The following TTC3 variants were observed in gnomAD, a reference collection of about 807,000 sequenced individuals.
TTC3 encodes tetratricopeptide repeat domain 3, also known as E3 ubiquitin-protein ligase TTC3.
In TTC3, 180 loss-of-function variants were observed where a neutral mutation model predicts 249.6. That is an observed-to-expected ratio of 0.72 (90% CI 0.64 to 0.82). The LOEUF (loss-of-function observed/expected upper bound fraction) is 0.82, where lower values mean the gene tolerates loss of function less well. Ranked by LOEUF, TTC3 falls within the 40% of genes least tolerant of loss-of-function variation. TTC3 has a pLI of 0.00. For synonymous variants in TTC3, 717 were observed against 805.0 expected (o/e 0.89, Z 1.85); for missense variants, 2,061 against 2,398.4 (o/e 0.86, Z 2.94).
chr21:37,135,688 A>G (rs2077870217), intron 18 of TTC3, among the ~76,000 whole-genome samples, 174 bp downstream of exon 18: 2 of 152,208 alleles, frequency 1.3e-5, no homozygotes, highest in South Asian at 2.1e-4. Flanking sequence ...CTTCATGAGT[A>G]TGTTCAGTAT....
chr21:37,153,005 G>T, exon 27 of TTC3: 1 of 1,613,944 alleles, frequency 6.2e-7, no homozygotes, highest in Non-Finnish European at 8.5e-7. Context: ...ATTCTACAGT[G>T]TATAAAGCAG....
At chr21:37,188,312 T>C in intron 38 of TTC3, 183 bp from the exon 39 acceptor site, 1 of 522,116 alleles carries the variant, frequency 1.9e-6, no homozygotes, top group South Asian at 2.3e-5. Context: ...TGTCATTTTG[T>C]TCTGTTTTCA....
intron 26 of TTC3, 45 bp from the exon 27 acceptor site, chr21:37,152,906 G>T: frequency 7.0e-7 from 1 of 1,424,662 alleles, no homozygotes; most frequent in South Asian, 1.6e-5. Flanking sequence ...ATGTAATTGT[G>T]AATTAGTCCT....
rs1211531298 is a variant in TTC3, at chr21:37,195,787, T to G, written c.5330T>G (p.Phe1777Cys). Residue 1777 changes from phenylalanine to cysteine, a missense_variant, in exon 42 of 46, where the codon TTC becomes TGC. By Grantham distance (205) the Phe-to-Cys change is radical. Coordinates refer to ENST00000355666, the Ensembl canonical transcript of TTC3. ...GCACTTCACAGGGATCCTAGTGTGT[T>G]CTCTGCTGGTGATTCCCCAGGGGAG... 3 of 1,614,052 alleles carry G rather than the reference T, an allele frequency of 1.9e-6. No homozygotes were observed. The highest frequency in any genetic ancestry group is 2.7e-5 in the African/African-American group (2 of 74,928).
chr21:37,082,100 C>T (rs1227728417), intron 1 of TTC3: 1 of 152,134 alleles, frequency 6.6e-6, no homozygotes, highest in East Asian at 1.9e-4. Flanking sequence ...CTCCTGACCT[C>T]GTCATCTGCT....
In TTC3 at chr21:37,145,226, A is replaced by G. The variant is rs548348361; in HGVS notation, c.1893+581A>G. ...GCTTTTACTTGTAGTGAACTCTCAC[A>G]TGTACTCAGAACTTGATTTTGGCTG... On this transcript the variant is annotated intron_variant, in intron 21 of 45. Transcript: ENST00000355666. Among the ~76,000 whole-genome samples, 11 of 152,354 alleles carry G rather than the reference A, an allele frequency of 7.2e-5. No homozygotes were observed. In the South Asian group the frequency reaches 2.3e-3, roughly 32 times the overall value.
Position 37,185,741 on chromosome 21 carries a change from A to G in TTC3, c.4793A>G (p.His1598Arg), listed in dbSNP as rs143235006. ...AAAAATGATGGAAAGGAAAAGGAAC[A>G]TGAATTACATCTGGATCAGTCCCTT... The change falls in exon 37 of 46, where the codon CAT becomes CGT. Residue 1598 changes from histidine to arginine, a missense_variant. Physicochemically the swap from His to Arg is conservative, Grantham distance 29. Transcript: ENST00000355666. 1.0e-3 allele frequency: 1,610 copies of G among 1,557,414 alleles called. 14 individuals are homozygous for G. In the African/African-American group the frequency reaches 0.019, roughly 19 times the overall value.
At chr21:37,195,557 T>A (rs2084788990) in intron 41 of TTC3, 118 bp from the exon 42 acceptor site, 1 of 1,366,346 alleles carries the variant, frequency 7.3e-7, no homozygotes, top group Admixed American at 2.4e-5. Context: ...TATTCAGGTT[T>A]CCTGTGCACG....
chr21:37,110,801 G>T (rs1238658188), intron 11 of TTC3, among the ~76,000 whole-genome samples: 1 of 151,328 alleles, frequency 6.6e-6, no homozygotes, highest in African/African-American at 2.4e-5. Flanking sequence ...AGGGCAGCCA[G>T]AGAGAAAGGT....
At chr21:37,119,851 T>C (rs1204725459) in intron 11 of TTC3, among the ~76,000 whole-genome samples, 1 of 152,176 alleles carries the variant, frequency 6.6e-6, no homozygotes, top group Non-Finnish European at 1.5e-5. Context: ...CTCTTGGTTT[T>C]ATTTTTAAAA....
chr21:37,189,863 C>A (rs1457946850), intron 39 of TTC3, among the ~76,000 whole-genome samples: 1 of 146,330 alleles, frequency 6.8e-6, no homozygotes, highest in Non-Finnish European at 1.5e-5. Flanking sequence ...GAGTGAGCCA[C>A]CACGCCGGCC....
At chr21:37,190,432 C>A (rs1004584178) in intron 39 of TTC3, among the ~76,000 whole-genome samples, 2 of 151,968 alleles carry the variant, frequency 1.3e-5, no homozygotes, top group African/African-American at 4.8e-5. Context: ...CCATGCCCGG[C>A]CCCTTCTTCA....
At chr21:37,138,539 A>C in intron 18 of TTC3, 95 bp from the exon 19 acceptor site, 1 of 721,748 alleles carries the variant, frequency 1.4e-6, no homozygotes, top group East Asian at 2.7e-5. Context: ...AAGATTGATT[A>C]GTGAGATTCT....
chr21:37,126,117 G>T, exon 15 of TTC3: 1 of 1,608,276 alleles, frequency 6.2e-7, no homozygotes. Context: ...GATTGTGACT[G>T]TCATCCTGAA....
chr21:37,098,668 T>C (rs2074184637), intron 10 of TTC3: 1 of 152,246 alleles, frequency 6.6e-6, no homozygotes. Flanking sequence ...GTTTTGCTGG[T>C]GTTTCCTACC....
intron 39 of TTC3, among the ~76,000 whole-genome samples, chr21:37,189,814 AGGATTACAGGAGTGCCTCCCAAAGTGCTG>A (rs2083789832): frequency 6.6e-6 from 1 of 151,842 alleles, no homozygotes; most frequent in South Asian, 2.1e-4. Flanking sequence ...CCAAAGTGCT[AGGATTACAGGAGTGCCTCCCAAAGTGCTG>A]GGATTACAGG....
chr21:37,157,573 A>G lies in TTC3; in HGVS notation c.2992+667A>G, dbSNP rs374843794. On this transcript the variant is annotated intron_variant, in intron 28 of 45. Transcript: ENST00000355666. ...AAGGGCATCAAAGGAAGGACCCAAC[A>G]CTTTCTTTCTCCCTGGGAGAGAGGA... 2.6e-4 allele frequency among the ~76,000 whole-genome samples: 39 copies of G among 152,316 alleles called. No homozygotes were observed. In the South Asian group the frequency reaches 7.2e-3, roughly 28 times the overall value.
intron 24 of TTC3, among the ~76,000 whole-genome samples, chr21:37,150,589 T>A (rs1179158340): frequency 6.6e-6 from 1 of 152,202 alleles, no homozygotes; most frequent in Non-Finnish European, 1.5e-5. Flanking sequence ...GATCGTCTGC[T>A]TACTCTTAAT....
At chr21:37,124,692 T>G (rs1181897394) in exon 14 of TTC3, 1 of 1,613,674 alleles carries the variant, frequency 6.2e-7, no homozygotes, top group African/African-American at 1.3e-5. Context: ...GGAAAGAGAT[T>G]TCAGAAAAAT....
Sources: gnomAD v4.1 joint callset for allele counts (sites outside exome capture counted in the v4.1 genomes callset) on GRCh38, gnomAD v4.1.1 for gene constraint, MANE v1.5 for transcripts, NCBI Gene and HGNC (gene_info 2026-07-23, HGNC 2026-07-21) for gene names.